Variants in PJA2 observed in about 807,000 individuals in gnomAD.
PJA2 encodes the protein praja ring finger ubiquitin ligase 2, also known as E3 ubiquitin-protein ligase Praja-2.
PJA2 carries 25 observed loss-of-function variants against 69.3 expected under a neutral mutation model. The ratio of observed to expected loss-of-function variants is 0.36; its 90% CI spans 0.26 to 0.50. The LOEUF (loss-of-function observed/expected upper bound fraction) is 0.50. Ranked by LOEUF, PJA2 falls within the 20% of genes least tolerant of loss-of-function variation. PJA2 has a pLI of 0.96. For missense variants in PJA2, 809 were observed against 830.2 expected, an observed-to-expected ratio of 0.97 and a Z score of 0.31; for synonymous variants, 308 against 277.8, an observed-to-expected ratio of 1.11 and a Z score of -1.08.
intron 1 of PJA2, among the ~76,000 whole-genome samples, chr5:109,401,257 C>A (rs1747539426): frequency 6.6e-6 from 1 of 152,100 alleles, no homozygotes; most frequent in Non-Finnish European, 1.5e-5. Context: ...GCACTCCAAC[C>A]TGGGCGACAG....
chr5:109,366,905 G>A (rs551599309), intron 5 of PJA2, among the ~76,000 whole-genome samples: 1 of 152,158 alleles, frequency 6.6e-6, no homozygotes, highest in South Asian at 2.1e-4. Flanking sequence ...GCCAAGGCAG[G>A]CAGATCACCA....
intron 6 of PJA2, among the ~76,000 whole-genome samples, chr5:109,356,477 G>C (rs903266436): frequency 1.3e-5 from 2 of 152,092 alleles, no homozygotes; most frequent in African/African-American, 4.8e-5. Flanking sequence ...TGCTCAACTG[G>C]AAGTATATGT....
In PJA2 at chr5:109,403,775, A is replaced by C. The variant is rs929014548; in HGVS notation, c.-88+6067T>G. ...ATCCACTCATGATTTAAAAAAAAAA[A>C]AAAAAAAAACTCTCTGCCAGGCGCA... On this transcript the variant is annotated intron_variant, in intron 1 of 9. Transcript: ENST00000361189. Among the ~76,000 whole-genome samples, 381 of 152,020 alleles carry C rather than the reference A, an allele frequency of 2.5e-3. 2 individuals carry two copies. The highest frequency in any genetic ancestry group is 8.8e-3 in the African/African-American group (366 of 41,532).
intron 1 of PJA2, among the ~76,000 whole-genome samples, chr5:109,401,200 C>A (rs965475674): frequency 6.6e-6 from 1 of 151,988 alleles, no homozygotes; most frequent in African/African-American, 2.4e-5. Context: ...ATGAGAATCA[C>A]TTGAACCCGG....
At chr5:109,380,861 C>G (rs1012702286) in intron 3 of PJA2, among the ~76,000 whole-genome samples, 1 of 149,614 alleles carries the variant, frequency 6.7e-6, no homozygotes, top group Admixed American at 6.6e-5. Context: ...GTAATCCCAG[C>G]ACTTTGGGAA....
chr5:109,342,082 C>T (rs1431671549), intron 9 of PJA2, among the ~76,000 whole-genome samples: 59 of 134,564 alleles, frequency 4.4e-4, no homozygotes, highest in African/African-American at 1.5e-3. Context: ...GCCAGCCGCC[C>T]CGTCCGGGAG....
rs35217352 is a variant in PJA2, at chr5:109,380,086, C to CTT, written c.233-834_233-833dup. Among the ~76,000 whole-genome samples, 61 of 74,216 alleles carry CTT rather than the reference C, an allele frequency of 8.2e-4. 4 individuals are homozygous for CTT. Among genetic ancestry groups the CTT allele is most frequent in the African/African-American group, 1.9e-3 (37 of 19,826 alleles). 48.7% of individuals were successfully genotyped at this position (74,216 alleles called of 152,430 possible). A position where few individuals can be genotyped will look rare whatever the true frequency, so the allele number is the denominator to read the frequency against. On this transcript the variant is annotated intron_variant, in intron 3 of 9. Transcript: ENST00000361189. The stretch of plus-strand genomic sequence containing the variant: ...TCTTTGATATATGGTACGAAGGGTT[C>CTT]TTTTTTTTTTTTTTTTTTTTTTTTT...
chr5:109,341,411 C>T (rs1186907755), intron 9 of PJA2, among the ~76,000 whole-genome samples: 1 of 144,600 alleles, frequency 6.9e-6, no homozygotes, highest in African/African-American at 2.6e-5. Context: ...GGGCAACCAC[C>T]CCGTCTGAGA....
Position 109,381,830 on chromosome 5 carries a change from T to A in PJA2, c.32-127A>T, listed in dbSNP as rs1582616788. The A allele has an allele frequency of 4.1e-6, 3 of 723,568 alleles. No homozygotes were observed. In the South Asian group the frequency reaches 5.7e-5, roughly 14 times the overall value. 44.8% of individuals were successfully genotyped at this position (723,568 alleles called of 1,614,324 possible). A position where few individuals can be genotyped will look rare whatever the true frequency, so the allele number is the denominator to read the frequency against. ...ATCATATGCTTCTGAACATGAAGTG[T>A]ACCTTACTAGTACTATAAAACATTA... On this transcript the variant is annotated intron_variant, in intron 2 of 9. Coordinates refer to ENST00000361189, the MANE Select transcript of PJA2 (RefSeq NM_014819.5).
intron 2 of PJA2, among the ~76,000 whole-genome samples, chr5:109,382,258 T>C (rs1188279563): frequency 6.6e-6 from 1 of 152,042 alleles, no homozygotes; most frequent in East Asian, 1.9e-4. Context: ...CAGATAAAAC[T>C]ATCCAAAAGA....
chr5:109,366,753 C>G (rs1762590520), intron 5 of PJA2, among the ~76,000 whole-genome samples: 1 of 152,130 alleles, frequency 6.6e-6, no homozygotes, highest in African/African-American at 2.4e-5. Context: ...TAAATATTTG[C>G]TGAGTGAATA....
In PJA2 at chr5:109,378,191, G is replaced by C. The variant is rs773700814; in HGVS notation, c.1283+13C>G. 5 of 1,588,002 alleles carry C rather than the reference G, an allele frequency of 3.1e-6. No homozygotes were observed. The South Asian group carries it at 4.6e-5, about 14-fold the overall frequency. On this transcript the variant is annotated intron_variant, in intron 4 of 9. Transcript: ENST00000361189. ...TACTACACAATCGGAAAAAGTACTG[G>C]ATGTGACCTTACCTATCTTCATCTT...
chr5:109,394,905 T>C (rs905091961), intron 1 of PJA2, among the ~76,000 whole-genome samples: 1 of 152,188 alleles, frequency 6.6e-6, no homozygotes, highest in African/African-American at 2.4e-5. Context: ...GTCTTAACTC[T>C]GGGTAGGGGG....
In PJA2 at chr5:109,344,679, A is replaced by G. The variant is rs1762144702; in HGVS notation, c.1879+26T>C. ...ACTTAAATGTACAATGTGTTCTTCA[A>G]CATTTGAGATCAACTTTGCCCTTAC... On this transcript the variant is annotated intron_variant, in intron 8 of 9. Coordinates refer to ENST00000361189, the MANE Select transcript of PJA2 (RefSeq NM_014819.5). 2.1e-6 allele frequency: 3 copies of G among 1,443,658 alleles called. No individual in the cohort carries two copies. The African/African-American group carries it at 4.2e-5, about 20-fold the overall frequency. 89.4% of individuals were successfully genotyped at this position (1,443,658 alleles called of 1,614,324 possible). A position where few individuals can be genotyped will look rare whatever the true frequency, so the allele number is the denominator to read the frequency against.
intron 4 of PJA2, among the ~76,000 whole-genome samples, chr5:109,376,663 CA>C (rs1476805023): frequency 6.6e-6 from 1 of 151,834 alleles, no homozygotes; most frequent in Admixed American, 6.6e-5. Flanking sequence ...CTTACACTTT[CA>C]AAAAAATAAA....
At chr5:109,405,839 A>G (rs1747675421) in intron 1 of PJA2, among the ~76,000 whole-genome samples, 1 of 152,192 alleles carries the variant, frequency 6.6e-6, no homozygotes, top group African/African-American at 2.4e-5. Flanking sequence ...AAGAGTTCTT[A>G]GAACACAGAA....
At chr5:109,406,131 C>T (rs1747687019) in intron 1 of PJA2, among the ~76,000 whole-genome samples, 1 of 151,638 alleles carries the variant, frequency 6.6e-6, no homozygotes, top group African/African-American at 2.4e-5. Flanking sequence ...GCGAGCTCCA[C>T]CTCCCGGGTT....
intron 1 of PJA2, among the ~76,000 whole-genome samples, chr5:109,398,429 T>C (rs1162274186): frequency 6.6e-6 from 1 of 152,094 alleles, no homozygotes; most frequent in Non-Finnish European, 1.5e-5. Context: ...ATATACACCA[T>C]GCAATACTAT....
At chr5:109,353,247 T>C (rs924181801) in intron 7 of PJA2, among the ~76,000 whole-genome samples, 3 of 141,940 alleles carry the variant, frequency 2.1e-5, no homozygotes, top group South Asian at 4.5e-4. Context: ...ATAATATCTA[T>C]AGATATCTAT....
Sources: allele counts gnomAD v4.1 joint callset (sites outside exome capture counted in the v4.1 genomes callset), GRCh38; gene constraint gnomAD v4.1.1; transcripts MANE v1.5; gene names NCBI Gene and HGNC (gene_info 2026-07-23, HGNC 2026-07-21).